The following SCLT1 variants were observed in gnomAD, a reference collection of about 807,000 sequenced individuals.
SCLT1 encodes the protein sodium channel and clathrin linker 1.
A neutral mutation model predicts 112.8 loss-of-function variants in SCLT1; 78 were observed. That is an observed-to-expected ratio of 0.69 (90% CI 0.58 to 0.83). The LOEUF (loss-of-function observed/expected upper bound fraction) is 0.83. SCLT1 is among the 40% of genes least tolerant of loss of function. The pLI is 0.00. For missense variants in SCLT1, 747 were observed against 770.4 expected (o/e 0.97, Z 0.36); for synonymous variants, 257 against 254.7 (o/e 1.01, Z -0.09).
At chr4:129,078,200 T>C (rs139678993) in intron 2 of SCLT1, among the ~76,000 whole-genome samples, 2 of 152,322 alleles carry the variant, frequency 1.3e-5, no homozygotes, top group East Asian at 3.9e-4. Context: ...AAAGGAAGAT[T>C]TGTCCCTACT....
At chr4:128,976,632 G>A (rs1407739407) in intron 9 of SCLT1, among the ~76,000 whole-genome samples, 1 of 152,120 alleles carries the variant, frequency 6.6e-6, no homozygotes, top group Non-Finnish European at 1.5e-5. Flanking sequence ...TAGTAATCTT[G>A]AGGAGGGCCA....
At chr4:129,089,345 A>C (rs1752645865) in intron 1 of SCLT1, among the ~76,000 whole-genome samples, 2 of 152,256 alleles carry the variant, frequency 1.3e-5, no homozygotes, top group Admixed American at 6.5e-5. Context: ...ATCATCAAAA[A>C]GTCAGGAAAC....
chr4:129,023,623 T>G (rs1745699615), intron 5 of SCLT1, among the ~76,000 whole-genome samples: 1 of 152,056 alleles, frequency 6.6e-6, no homozygotes, highest in East Asian at 1.9e-4. Context: ...AGAAAACGGG[T>G]GATTTCTGCA....
intron 8 of SCLT1, among the ~76,000 whole-genome samples, chr4:128,993,223 A>G (rs1219111123): frequency 6.6e-6 from 1 of 151,984 alleles, no homozygotes; most frequent in African/African-American, 2.4e-5. Context: ...CTGTACTTTG[A>G]TAAAACTTAA....
chr4:128,945,406 A>G (rs1738062797), intron 16 of SCLT1, among the ~76,000 whole-genome samples: 1 of 152,206 alleles, frequency 6.6e-6, no homozygotes. Context: ...TGAAAATTAC[A>G]CATATATTTA....
chr4:128,899,226 G>A (rs973939794), intron 18 of SCLT1, among the ~76,000 whole-genome samples: 1 of 152,132 alleles, frequency 6.6e-6, no homozygotes, highest in African/African-American at 2.4e-5. Flanking sequence ...AACAAAAAAA[G>A]AGAATTTTAG....
chr4:128,959,248 G>A (rs968593056), intron 12 of SCLT1, among the ~76,000 whole-genome samples: 5 of 151,518 alleles, frequency 3.3e-5, no homozygotes, highest in East Asian at 1.9e-4. Context: ...GAATAGAGAC[G>A]GGTAAGATTT....
chr4:128,987,275 A>T (rs1266574528), intron 9 of SCLT1, among the ~76,000 whole-genome samples: 1 of 152,162 alleles, frequency 6.6e-6, no homozygotes, highest in Non-Finnish European at 1.5e-5. Context: ...CTAACTCTTC[A>T]TTGCTCAGAT....
chr4:129,067,055 T>C (rs780146252), intron 2 of SCLT1, among the ~76,000 whole-genome samples: 21 of 152,092 alleles, frequency 1.4e-4, no homozygotes, highest in Non-Finnish European at 2.4e-4. Context: ...ACTGACACAA[T>C]TGGGTGGTAG....
chr4:129,065,960 A>G (rs1413966771), intron 2 of SCLT1, among the ~76,000 whole-genome samples: 1 of 152,064 alleles, frequency 6.6e-6, no homozygotes, highest in Non-Finnish European at 1.5e-5. Flanking sequence ...CTTGATATAG[A>G]TAAGTCAGTA....
chr4:129,057,728 T>A (rs1040073308), intron 2 of SCLT1, among the ~76,000 whole-genome samples: 1 of 151,922 alleles, frequency 6.6e-6, no homozygotes, highest in African/African-American at 2.4e-5. Context: ...ATAGTCCTAT[T>A]GATCCTTTGT....
intron 5 of SCLT1, among the ~76,000 whole-genome samples, chr4:129,019,457 G>A (rs1199977836): frequency 2.0e-5 from 3 of 152,106 alleles, no homozygotes; most frequent in Admixed American, 1.3e-4. Flanking sequence ...ACTTTTGCAG[G>A]TGTTAAAAGG....
In SCLT1 at chr4:129,064,149, T is replaced by A. The variant is rs72926030; in HGVS notation, c.102+18157A>T. The stretch of plus-strand genomic sequence containing the variant: ...TAGCTCTCTTTCACCTATTTTCTAA[T>A]TGAATAGTTGGTTTTGTTTTTTCTT... On this transcript the variant is annotated intron_variant, in intron 2 of 20. Coordinates refer to ENST00000281142, the MANE Select transcript of SCLT1 (RefSeq NM_144643.4). Among the ~76,000 whole-genome samples, 714 of 152,316 alleles carry A rather than the reference T, an allele frequency of 4.7e-3. 4 individuals carry two copies. The highest frequency in any genetic ancestry group is 0.016 in the African/African-American group (655 of 41,570).
At chr4:128,942,071 G>A (rs1174509995) in intron 17 of SCLT1, among the ~76,000 whole-genome samples, 1 of 151,896 alleles carries the variant, frequency 6.6e-6, no homozygotes, top group African/African-American at 2.4e-5. Context: ...GATATCTGGC[G>A]GTATGGGTCC....
intron 20 of SCLT1, among the ~76,000 whole-genome samples, chr4:128,888,336 C>T (rs1733049604): frequency 6.6e-6 from 1 of 151,810 alleles, no homozygotes; most frequent in Non-Finnish European, 1.5e-5. Flanking sequence ...CCTGCCTCAG[C>T]CTTCCCAGTA....
At chr4:128,988,219 C>G (rs1742266685) in intron 9 of SCLT1, among the ~76,000 whole-genome samples, 1 of 151,782 alleles carries the variant, frequency 6.6e-6, no homozygotes, top group Admixed American at 6.6e-5. Context: ...GTGTATAAAC[C>G]ACTAATACCT....
At chr4:128,944,508 A>G (rs944195285) in intron 16 of SCLT1, 1 of 152,178 alleles carries the variant, frequency 6.6e-6, no homozygotes, top group African/African-American at 2.4e-5. Flanking sequence ...AGGAAACTCT[A>G]CATTACTAAG....
At chr4:128,879,300 A>G (rs1003713828), downstream of SCLT1, among the ~76,000 whole-genome samples, 5 of 152,174 alleles carry the variant, frequency 3.3e-5, no homozygotes, top group Non-Finnish European at 7.4e-5. Flanking sequence ...GAAGTCTAGA[A>G]TGTGTGAAGC....
chr4:128,990,108 T>C (rs899129221), intron 9 of SCLT1, among the ~76,000 whole-genome samples: 1 of 151,832 alleles, frequency 6.6e-6, no homozygotes, highest in African/African-American at 2.4e-5. Flanking sequence ...ATGAAGTCAG[T>C]ATCACCCTGC....
Sources: allele counts gnomAD v4.1 joint callset (sites outside exome capture counted in the v4.1 genomes callset), GRCh38; gene constraint gnomAD v4.1.1; transcripts MANE v1.5; gene names NCBI Gene and HGNC (gene_info 2026-07-23, HGNC 2026-07-21).